Variants in EBF1 observed in about 807,000 individuals in gnomAD.
EBF1 encodes transcription factor COE1.
In EBF1, 10 loss-of-function variants were observed where a neutral mutation model predicts 68.4. That is an observed-to-expected ratio of 0.15 (90% CI 0.09 to 0.25). The LOEUF (loss-of-function observed/expected upper bound fraction) is 0.25. EBF1 is among the 10% of genes least tolerant of loss of function. The pLI is 1.00. For missense variants in EBF1, 509 were observed against 794.4 expected, an observed-to-expected ratio of 0.64 and a Z score of 4.32; for synonymous variants, 298 against 299.8, an observed-to-expected ratio of 0.99 and a Z score of 0.06.
At chr5:158,836,430 T>A (rs1473858335) in intron 7 of EBF1, among the ~76,000 whole-genome samples, 1 of 152,016 alleles carries the variant, frequency 6.6e-6, no homozygotes, top group Non-Finnish European at 1.5e-5. Flanking sequence ...ACTGTTGTTA[T>A]ATAATTCAAG....
chr5:158,922,998 A>G (rs1185252945), intron 6 of EBF1, among the ~76,000 whole-genome samples: 1 of 152,226 alleles, frequency 6.6e-6, no homozygotes, highest in East Asian at 1.9e-4. Flanking sequence ...TGAATGGCTG[A>G]GCCTACAATT....
intron 5 of EBF1, among the ~76,000 whole-genome samples, chr5:159,075,862 G>A (rs1206781582): frequency 6.6e-6 from 1 of 152,028 alleles, no homozygotes; most frequent in African/African-American, 2.4e-5. Flanking sequence ...GTTGTGCCCT[G>A]TTCAATCTGA....
At chr5:158,791,730 A>G (rs1474258060) in intron 9 of EBF1, among the ~76,000 whole-genome samples, 4 of 152,194 alleles carry the variant, frequency 2.6e-5, no homozygotes, top group African/African-American at 9.6e-5. Context: ...ACTTCTGACT[A>G]CACCACTCTC....
At chr5:159,027,632 G>C (rs1268299953) in intron 6 of EBF1, among the ~76,000 whole-genome samples, 1 of 152,194 alleles carries the variant, frequency 6.6e-6, no homozygotes, top group Non-Finnish European at 1.5e-5. Context: ...TTGACCAGTT[G>C]ATCTTCAGAT....
At chr5:158,784,508 A>G (rs1328095728) in intron 9 of EBF1, among the ~76,000 whole-genome samples, 1 of 152,194 alleles carries the variant, frequency 6.6e-6, no homozygotes, top group Non-Finnish European at 1.5e-5. Flanking sequence ...AAAACAAAAA[A>G]GCAATTCCAA....
chr5:159,041,937 G>C (rs1771276398), intron 6 of EBF1, among the ~76,000 whole-genome samples: 1 of 152,144 alleles, frequency 6.6e-6, no homozygotes, highest in South Asian at 2.1e-4. Flanking sequence ...GCATGGCTGT[G>C]GTGGAGGAAA....
chr5:159,020,227 A>C (rs1766399462), intron 6 of EBF1, among the ~76,000 whole-genome samples: 1 of 152,112 alleles, frequency 6.6e-6, no homozygotes, highest in Non-Finnish European at 1.5e-5. Context: ...GAGCCAAAGG[A>C]TCAATTGATG....
chr5:158,767,969 G>A (rs373834374), intron 10 of EBF1, among the ~76,000 whole-genome samples: 17 of 152,076 alleles, frequency 1.1e-4, no homozygotes, highest in South Asian at 4.1e-4. Context: ...GGTGGGTCCC[G>A]GGAAGCAGGG....
At chr5:158,858,119 G>A (rs892186899) in intron 6 of EBF1, among the ~76,000 whole-genome samples, 2 of 152,286 alleles carry the variant, frequency 1.3e-5, no homozygotes, top group Admixed American at 6.5e-5. Context: ...ATTAGCAGCC[G>A]TGACGGTGTC....
At chr5:158,936,565 G>A (rs937280913) in intron 6 of EBF1, among the ~76,000 whole-genome samples, 3 of 152,202 alleles carry the variant, frequency 2.0e-5, no homozygotes, top group Middle Eastern at 3.2e-3. Flanking sequence ...GGCTTACCCA[G>A]ATAAATCGGT....
At chr5:159,091,010 T>G (rs1781524342) in intron 4 of EBF1, among the ~76,000 whole-genome samples, 1 of 152,192 alleles carries the variant, frequency 6.6e-6, no homozygotes, top group Non-Finnish European at 1.5e-5. Flanking sequence ...AGATCATTCT[T>G]GCTCAACAAC....
Position 158,905,370 on chromosome 5 carries a change from C to G in EBF1, c.555-65260G>C, listed in dbSNP as rs191985424. ...TGACCATTATTGGGAAATTAAAGGG[C>G]CTTGCACTCTCTTGATCATGAGATG... On this transcript the variant is annotated intron_variant, in intron 6 of 15. Transcript: ENST00000313708. Among the ~76,000 whole-genome samples the G allele has an allele frequency of 6.6e-5, 10 of 152,200 alleles. No individual in the cohort carries two copies. The East Asian group carries it at 1.9e-3, about 29-fold the overall frequency.
chr5:158,987,520 C>T (rs1224544957), intron 6 of EBF1, among the ~76,000 whole-genome samples: 2 of 152,140 alleles, frequency 1.3e-5, no homozygotes, highest in Non-Finnish European at 2.9e-5. Flanking sequence ...CAGGGATTAC[C>T]TTGTATGACA....
At chr5:158,945,080 ATCCCAT>A (rs1466038070) in intron 6 of EBF1, among the ~76,000 whole-genome samples, 1 of 152,166 alleles carries the variant, frequency 6.6e-6, no homozygotes, top group African/African-American at 2.4e-5. Context: ...GTTTAATTAG[ATCCCAT>A]TTGTCAATGT....
chr5:158,877,442 G>A lies in EBF1; in HGVS notation c.555-37332C>T, dbSNP rs191861992. On this transcript the variant is annotated intron_variant, in intron 6 of 15. Transcript: ENST00000313708. The stretch of plus-strand genomic sequence containing the variant: ...AAATTTCTCTCATACTTGTACCAGC[G>A]TCCCAGCCAAGATCAACACCATGAG... Among the ~76,000 whole-genome samples, 1,001 of 151,532 alleles carry A rather than the reference G, an allele frequency of 6.6e-3. 10 individuals carry two copies. Among genetic ancestry groups the A allele is most frequent in the African/African-American group, 0.022 (917 of 41,216 alleles).
At chr5:159,050,511 T>TCAC (rs1237682251) in intron 6 of EBF1, among the ~76,000 whole-genome samples, 4 of 152,172 alleles carry the variant, frequency 2.6e-5, no homozygotes, top group East Asian at 3.9e-4. Flanking sequence ...TCCCTTGACT[T>TCAC]TAGTGACTTG....
chr5:158,783,536 T>C (rs1776831043), intron 9 of EBF1, among the ~76,000 whole-genome samples: 5 of 152,160 alleles, frequency 3.3e-5, no homozygotes, highest in Admixed American at 3.3e-4. Context: ...ACACACATAA[T>C]CTCTGCAGGC....
At chr5:159,062,835 A>C (rs1191454150) in intron 6 of EBF1, among the ~76,000 whole-genome samples, 1 of 152,224 alleles carries the variant, frequency 6.6e-6, no homozygotes, top group Admixed American at 6.5e-5. Context: ...CTTTGTGAGA[A>C]TGTCAACAGC....
intron 10 of EBF1, among the ~76,000 whole-genome samples, chr5:158,760,529 A>T (rs1272903816): frequency 6.6e-6 from 1 of 152,168 alleles, no homozygotes; most frequent in Non-Finnish European, 1.5e-5. Context: ...CTTTAAGGCA[A>T]TATAGATTTC....
Sources: gnomAD v4.1 joint callset for allele counts (sites outside exome capture counted in the v4.1 genomes callset) on GRCh38, gnomAD v4.1.1 for gene constraint, MANE v1.5 for transcripts, NCBI Gene and HGNC (gene_info 2026-07-23, HGNC 2026-07-21) for gene names.